The following IRAG2 variants were observed in gnomAD, a reference collection of about 807,000 sequenced individuals.
IRAG2 encodes the protein inositol 1,4,5-triphosphate receptor associated 2, also known as lymphoid restricted membrane protein.
A neutral mutation model predicts 69.9 loss-of-function variants in IRAG2; 45 were observed. That is an observed-to-expected ratio of 0.64 (90% CI 0.51 to 0.83). The LOEUF (loss-of-function observed/expected upper bound fraction) is 0.83, where lower values mean the gene tolerates loss of function less well. Ranked by LOEUF, IRAG2 falls within the 40% of genes least tolerant of loss-of-function variation. The pLI, the probability that IRAG2 is intolerant of heterozygous loss-of-function variation, is 0.00. For synonymous variants in IRAG2, 193 were observed against 202.4 expected (o/e 0.95, Z 0.40); for missense variants, 520 against 587.0 (o/e 0.89, Z 1.18).
chr12:24,999,766 C>G (rs1944377471), upstream of IRAG2, among the ~76,000 whole-genome samples: 1 of 151,538 alleles, frequency 6.6e-6, no homozygotes, highest in Non-Finnish European at 1.5e-5. Context: ...GTTCTCATGG[C>G]TCCTGACTAT....
At chr12:25,083,610 G>A (rs1369337018) in intron 10 of IRAG2, 117 bp downstream of exon 10, 2 of 601,504 alleles carry the variant, frequency 3.3e-6, no homozygotes, top group African/African-American at 3.9e-5. Flanking sequence ...ATATTATGAC[G>A]TTCATATAAT....
chr12:25,079,320 T>C (rs749558382), intron 7 of IRAG2, 30 bp downstream of exon 7: 3 of 1,611,868 alleles, frequency 1.9e-6, no homozygotes, highest in Non-Finnish European at 2.5e-6. Context: ...GTGTGTGAAT[T>C]TGTATGCATA....
Position 25,008,330 on chromosome 12 carries a change from G to C in IRAG2, c.688+2976G>C, listed in dbSNP as rs61912232. 8.1e-3 allele frequency among the ~76,000 whole-genome samples: 1,239 copies of C among 152,212 alleles called. 15 individuals are homozygous for C. The highest frequency in any genetic ancestry group is 0.012 in the Non-Finnish European group (789 of 68,000). On this transcript the variant is annotated intron_variant, in intron 2 of 38. Transcript: ENST00000636465. ...AAAATACTAAATTGGGGCTGGGTGG[G>C]GTGGCTCATACCTGTAATCCCAGCA...
intron 1 of IRAG2, among the ~76,000 whole-genome samples, chr12:25,060,835 ATT>A (rs5797116): frequency 1.4e-5 from 2 of 144,468 alleles, no homozygotes. Flanking sequence ...TAATTTTTGT[ATT>A]TTTTTTTTTT....
chr12:25,061,502 G>A (rs1385943718), intron 1 of IRAG2, 90 bp from the exon 2 acceptor site: 1 of 396,778 alleles, frequency 2.5e-6, no homozygotes, highest in Non-Finnish European at 4.4e-6. Context: ...TCCAATCTGG[G>A]CAATAGAACC....
At position 25,108,177 on chromosome 12, in the gene IRAG2, T is replaced by C; in HGVS notation, c.*117T>C. ...TGAAACCAGAGGTTCTCAGAATGAC[T>C]GTAAGATAGCTTACATTTCCTCTTT... On this transcript the variant is annotated 3_prime_UTR_variant, in exon 22 of 22. Coordinates refer to ENST00000556887, the MANE Select transcript of IRAG2 (RefSeq NM_001366544.2). The C allele has an allele frequency of 8.7e-7, 1 of 1,155,410 alleles. No homozygotes were observed. The allele number at this position is 1,155,410 out of a possible 1,614,324, so 71.6% of individuals were successfully genotyped here. A position where few individuals can be genotyped will look rare whatever the true frequency, so the allele number is the denominator to read the frequency against.
intron 6 of IRAG2, among the ~76,000 whole-genome samples, chr12:25,077,286 G>GAT (rs1555139135): frequency 1.6e-4 from 3 of 19,214 alleles, no homozygotes; most frequent in African/African-American, 3.6e-4. Flanking sequence ...AAATATATAT[G>GAT]ATATATATAT....
intron 6 of IRAG2, among the ~76,000 whole-genome samples, chr12:25,018,461 C>T (rs1001011965): frequency 6.6e-6 from 1 of 152,058 alleles, no homozygotes; most frequent in African/African-American, 2.4e-5. Context: ...TCACCTCATC[C>T]TCCCAAAGTG....
upstream of IRAG2, among the ~76,000 whole-genome samples, chr12:24,999,815 A>G (rs1944377763): frequency 7.4e-6 from 1 of 135,240 alleles, no homozygotes; most frequent in South Asian, 2.3e-4. Context: ...TGTCAGATTT[A>G]GCTAAAAAAA....
rs74323787 is a variant in IRAG2, at chr12:25,012,823, CAA to C, written c.896+1276_896+1277del. On this transcript the variant is annotated intron_variant, in intron 3 of 38. Transcript: ENST00000636465. ...AGCCTAGGCAACAGAGACTCCGTCT[CAA>C]AAAGAGAGAAAATGTCAAGCCCAAG... Among the ~76,000 whole-genome samples the C allele has an allele frequency of 1.4e-3, 213 of 152,126 alleles. 3 individuals carry two copies. The East Asian group carries it at 0.031, about 22-fold the overall frequency.
At chr12:25,040,515 A>G (rs368278709) in intron 16 of IRAG2, among the ~76,000 whole-genome samples, 19 of 151,766 alleles carry the variant, frequency 1.3e-4, no homozygotes, top group South Asian at 6.3e-4. Context: ...CTTAAAAAAA[A>G]AGAGAGAGAG....
At chr12:25,070,211 T>C (rs1262021895) in intron 6 of IRAG2, among the ~76,000 whole-genome samples, 1 of 152,222 alleles carries the variant, frequency 6.6e-6, no homozygotes, top group Non-Finnish European at 1.5e-5. Context: ...CAATCGGTCT[T>C]AGAATACTTT....
rs1204088799 is a variant in IRAG2, at chr12:25,104,209, G to GT, written c.1047-146dup. 6.3e-5 allele frequency: 54 copies of GT among 858,224 alleles called. No homozygotes were observed. In the Admixed American group the frequency reaches 7.1e-4, roughly 11 times the overall value. The allele number at this position is 858,224 out of a possible 1,614,324, so 53.2% of individuals were successfully genotyped here. A position where few individuals can be genotyped will look rare whatever the true frequency, so the allele number is the denominator to read the frequency against. On this transcript the variant is annotated intron_variant, in intron 19 of 21. Transcript: ENST00000556887. ...ATATAAATTGGTATCTAATTATGAA[G>GT]TTTTTTATCATAAAGTAGGAGATCT...
rs1944520844 is a variant in IRAG2 at position 25,015,563 on chromosome 12, ATTC to A, written c.1055+139_1055+141del. ...GTAGAGCTAGCATAACTGATTTTAAATTCTTCACTGATTCTAATAATGCCTGCA... is the reference window on the plus strand; with the variant it reads ...GTAGAGCTAGCATAACTGATTTTAAATTCACTGATTCTAATAATGCCTGCA... On this transcript the variant is annotated intron_variant, in intron 5 of 38. Transcript: ENST00000636465. 6.4e-6 allele frequency: 3 copies of A among 470,540 alleles called. No individual in the cohort carries two copies. In the East Asian group the frequency reaches 1.1e-4, roughly 17 times the overall value. The allele number at this position is 470,540 out of a possible 1,614,324, so 29.1% of individuals were successfully genotyped here. A position where few individuals can be genotyped will look rare whatever the true frequency, so the allele number is the denominator to read the frequency against.
intron 3 of IRAG2, among the ~76,000 whole-genome samples, chr12:25,014,819 G>A (rs1944507790): frequency 6.8e-6 from 1 of 146,174 alleles, no homozygotes; most frequent in South Asian, 2.2e-4. Flanking sequence ...TCCAACCTAT[G>A]TCTATTTCCT....
chr12:25,001,318 G>A (rs913996017), upstream of IRAG2, among the ~76,000 whole-genome samples: 14 of 152,118 alleles, frequency 9.2e-5, no homozygotes, highest in African/African-American at 3.1e-4. Context: ...GATGGTGCAC[G>A]CCTGTGGTCC....
chr12:25,104,184 A>T, intron 19 of IRAG2, 126 bp downstream of exon 19: 1 of 911,774 alleles, frequency 1.1e-6, no homozygotes, highest in Non-Finnish European at 1.7e-6. Flanking sequence ...CAGAATAATT[A>T]TATAAATTGG....
Position 25,077,229 on chromosome 12 carries a change from G to GATATATATGAAATATATATATC in IRAG2, c.25-2007_25-2006insGAAATATATATATCATATATAT, listed in dbSNP as rs1946773037. ...TATATGATATATATGAAATATATATGATATATATATGAAATATATATATGA... is the reference window on the plus strand; with the variant it reads ...TATATGATATATATGAAATATATATGATATATATGAAATATATATATCATATATATATGAAATATATATATGA... On this transcript the variant is annotated intron_variant, in intron 6 of 21. Coordinates refer to ENST00000556887, the MANE Select transcript of IRAG2 (RefSeq NM_001366544.2). Among the ~76,000 whole-genome samples the GATATATATGAAATATATATATC allele has an allele frequency of 6.4e-5, 2 of 31,174 alleles. 1 individual carries two copies. Among genetic ancestry groups the GATATATATGAAATATATATATC allele is most frequent in the East Asian group, 5.2e-3 (2 of 386 alleles). 20.5% of individuals were successfully genotyped at this position (31,174 alleles called of 152,430 possible). A position where few individuals can be genotyped will look rare whatever the true frequency, so the allele number is the denominator to read the frequency against.
intron 1 of IRAG2, among the ~76,000 whole-genome samples, chr12:25,060,597 C>A (rs1428346466): frequency 1.3e-5 from 2 of 151,016 alleles, no homozygotes; most frequent in Non-Finnish European, 2.9e-5. Flanking sequence ...AGGGCTCAAG[C>A]AGAGGCTTAT....
Sources: allele counts gnomAD v4.1 joint callset (sites outside exome capture counted in the v4.1 genomes callset), GRCh38; gene constraint gnomAD v4.1.1; transcripts MANE v1.5; gene names NCBI Gene and HGNC (gene_info 2026-07-23, HGNC 2026-07-21).